UMAD1: variants seen among roughly 807,000 people sequenced by gnomAD.
UMAD1 encodes the protein UBAP1-MVB12-associated (UMA)-domain containing protein 1.
In UMAD1, 8 loss-of-function variants were observed where a neutral mutation model predicts 6.1. The ratio of observed to expected loss-of-function variants is 1.30; its 90% CI spans 0.76 to 2.35. UMAD1 has a LOEUF of 2.35. Among genes scored for constraint, UMAD1 ranks in the 30% most tolerant of loss-of-function variants. UMAD1 has a pLI of 0.00. For synonymous variants in UMAD1, 56 were observed against 31.4 expected, an observed-to-expected ratio of 1.78 and a Z score of -2.61; for missense variants, 130 against 78.4, an observed-to-expected ratio of 1.66 and a Z score of -2.49.
At chr7:7,774,188 C>T (rs1033362744) in intron 2 of UMAD1, among the ~76,000 whole-genome samples, 1 of 152,184 alleles carries the variant, frequency 6.6e-6, no homozygotes, top group Non-Finnish European at 1.5e-5. Flanking sequence ...CAGACTTCTG[C>T]TTCTGTAGAA....
chr7:7,651,975 C>T (rs1305965283), intron 1 of UMAD1, among the ~76,000 whole-genome samples: 2 of 152,134 alleles, frequency 1.3e-5, no homozygotes, highest in African/African-American at 4.8e-5. Flanking sequence ...TCTCCCCTTG[C>T]AAGAGCTGTG....
intron 2 of UMAD1, among the ~76,000 whole-genome samples, chr7:7,734,035 G>T (rs1171098373): frequency 1.3e-5 from 2 of 151,926 alleles, no homozygotes; most frequent in Non-Finnish European, 2.9e-5. Flanking sequence ...TTAATTACAA[G>T]GTATGTATAA....
chr7:7,652,278 A>G (rs1315657860), intron 1 of UMAD1, among the ~76,000 whole-genome samples: 1 of 152,086 alleles, frequency 6.6e-6, no homozygotes, highest in South Asian at 2.1e-4. Context: ...CTCTTGGTCG[A>G]TTGTACTTCT....
intron 2 of UMAD1, among the ~76,000 whole-genome samples, chr7:7,677,591 C>CT (rs1310036428): frequency 1.4e-5 from 2 of 147,944 alleles, no homozygotes; most frequent in African/African-American, 5.1e-5. Context: ...GGATTTCATT[C>CT]TTTTTTTATG....
chr7:7,744,614 T>C (rs566448715), intron 2 of UMAD1, among the ~76,000 whole-genome samples: 2 of 151,356 alleles, frequency 1.3e-5, no homozygotes, highest in South Asian at 4.2e-4. Flanking sequence ...TTTTTTATTA[T>C]AGTCATCCTA....
chr7:7,853,520 T>C (rs1783958755), intron 3 of UMAD1, among the ~76,000 whole-genome samples: 1 of 152,146 alleles, frequency 6.6e-6, no homozygotes, highest in South Asian at 2.1e-4. Flanking sequence ...GGTATGAGTT[T>C]TGTACTTCTT....
intron 3 of UMAD1, among the ~76,000 whole-genome samples, chr7:7,849,471 G>A (rs137944338): frequency 1.5e-3 from 226 of 152,268 alleles, no homozygotes; most frequent in African/African-American, 5.2e-3. Context: ...GCTAAGGAGT[G>A]TGGCCAAGAG....
intron 3 of UMAD1, among the ~76,000 whole-genome samples, chr7:7,849,428 G>A (rs531957162): frequency 6.6e-6 from 1 of 152,250 alleles, no homozygotes; most frequent in African/African-American, 2.4e-5. Context: ...AGTAGTTGTA[G>A]GGTTATGCAC....
intron 1 of UMAD1, among the ~76,000 whole-genome samples, chr7:7,669,436 C>T (rs1006133987): frequency 3.3e-5 from 5 of 152,118 alleles, no homozygotes; most frequent in Admixed American, 2.6e-4. Context: ...CTGTAGGTTA[C>T]GTTTTTATAC....
intron 1 of UMAD1, among the ~76,000 whole-genome samples, chr7:7,665,994 T>G (rs758736685): frequency 4.3e-4 from 65 of 152,202 alleles, no homozygotes; most frequent in Non-Finnish European, 5.0e-4. Flanking sequence ...TTACAACATT[T>G]GTATACAAGT....
chr7:7,842,821 T>C (rs1379252456), intron 3 of UMAD1, among the ~76,000 whole-genome samples: 1 of 152,172 alleles, frequency 6.6e-6, no homozygotes, highest in Non-Finnish European at 1.5e-5. Context: ...ACCTGTGATA[T>C]GCCAGCCATG....
intron 2 of UMAD1, among the ~76,000 whole-genome samples, chr7:7,747,460 C>G (rs959731629): frequency 6.6e-6 from 1 of 152,178 alleles, no homozygotes; most frequent in African/African-American, 2.4e-5. Flanking sequence ...CAAAGATATG[C>G]AGTGACTTGG....
At chr7:7,818,318 C>CT (rs1436787721) in intron 3 of UMAD1, among the ~76,000 whole-genome samples, 2 of 152,106 alleles carry the variant, frequency 1.3e-5, no homozygotes, top group South Asian at 2.1e-4. Context: ...TGGTCTTGTT[C>CT]TTTTTTATGG....
At chr7:7,796,698 C>G (rs956363690) in intron 2 of UMAD1, among the ~76,000 whole-genome samples, 1 of 152,162 alleles carries the variant, frequency 6.6e-6, no homozygotes, top group Non-Finnish European at 1.5e-5. Flanking sequence ...ATTACTTAAG[C>G]AGATCCTGGA....
chr7:7,779,059 C>T (rs539632719), intron 2 of UMAD1, among the ~76,000 whole-genome samples: 44 of 152,120 alleles, frequency 2.9e-4, no homozygotes, highest in Non-Finnish European at 2.2e-4. Context: ...GGTCACACAG[C>T]TATCATATGG....
rs74694044 is a variant in UMAD1 at position 7,783,948 on chromosome 7, G to T, written c.83-17722G>T. Among the ~76,000 whole-genome samples the T allele has an allele frequency of 1.1e-3, 173 of 152,216 alleles. 1 individual carries two copies. The highest frequency in any genetic ancestry group is 3.8e-3 in the African/African-American group (157 of 41,544). On this transcript the variant is annotated intron_variant, in intron 2 of 3. Coordinates refer to ENST00000682710, the MANE Select transcript of UMAD1 (RefSeq NM_001302348.2). ...AGGAGATGAAATTAAAGATGAAGAAGAAATTAAAGAATTAAGGAAGAAATT... is the reference window on the plus strand; with the variant it reads ...AGGAGATGAAATTAAAGATGAAGAATAAATTAAAGAATTAAGGAAGAAATT...
chr7:7,771,204 T>C (rs936561467), intron 2 of UMAD1, among the ~76,000 whole-genome samples: 3 of 151,996 alleles, frequency 2.0e-5, no homozygotes, highest in Non-Finnish European at 4.4e-5. Context: ...CTAAGTTGTA[T>C]ATACCCAATA....
At chr7:7,778,358 A>G (rs1047273490) in intron 2 of UMAD1, among the ~76,000 whole-genome samples, 3 of 151,938 alleles carry the variant, frequency 2.0e-5, no homozygotes, top group African/African-American at 7.3e-5. Flanking sequence ...AAAGGTGAAC[A>G]GTCTAGAGTG....
intron 1 of UMAD1, among the ~76,000 whole-genome samples, chr7:7,671,764 A>G (rs565500224): frequency 6.6e-6 from 1 of 151,878 alleles, no homozygotes; most frequent in East Asian, 1.9e-4. Context: ...ATTAGAGGCC[A>G]TCTCTCCTTG....
Sources: allele counts gnomAD v4.1 joint callset (sites outside exome capture counted in the v4.1 genomes callset), GRCh38; gene constraint gnomAD v4.1.1; transcripts MANE v1.5; gene names NCBI Gene and HGNC (gene_info 2026-07-23, HGNC 2026-07-21).